WWC1: variants seen among roughly 807,000 people sequenced by gnomAD.
The protein encoded by WWC1 is WW and C2 domain containing 1.
WWC1 carries 55 observed loss-of-function variants against 138.4 expected under a neutral mutation model. The observed-to-expected ratio is 0.40, with a 90% CI of 0.32 to 0.50. The LOEUF (loss-of-function observed/expected upper bound fraction) is 0.50, where lower values mean the gene tolerates loss of function less well. Ranked by LOEUF, WWC1 falls within the 20% of genes least tolerant of loss-of-function variation. The pLI, the probability that WWC1 is intolerant of heterozygous loss-of-function variation, is 0.72. For missense variants in WWC1, 1,226 were observed against 1,420.4 expected, an observed-to-expected ratio of 0.86 and a Z score of 2.20; for synonymous variants, 524 against 564.9, an observed-to-expected ratio of 0.93 and a Z score of 1.03.
In WWC1 at chr5:168,414,467, T is replaced by G. The variant is rs751379051; in HGVS notation, c.1061T>G (p.Met354Arg). 6.4e-7 allele frequency: 1 copy of G among 1,570,496 alleles called. No individual in the cohort carries two copies. Among genetic ancestry groups the G allele is most frequent in the Non-Finnish European group, 8.6e-7 (1 of 1,157,014 alleles). ...GAGAAGGAGGAGCTGCTGAAGGAGA[T>G]GCGCTTCATCAGCCCCCGCAAGTGG... The part of the protein sequence containing the change: ...INEKEELLKE[M>R]RFISPRKWTQ... The change falls in exon 9 of 23, where the codon ATG (methionine) becomes AGG (arginine). Residue 354 changes from methionine (M) to arginine (R), a missense_variant. Physicochemically the swap from Met to Arg is moderately conservative, Grantham distance 91. Transcript: ENST00000265293.
intron 5 of WWC1, among the ~76,000 whole-genome samples, chr5:168,405,462 A>C (rs1431007025): frequency 1.3e-5 from 2 of 152,190 alleles, no homozygotes; most frequent in Non-Finnish European, 2.9e-5. Flanking sequence ...CCTGTTCCCA[A>C]GCCTCCCAGA....
At chr5:168,372,044 A>ATGTTT (rs1776793945) in intron 2 of WWC1, among the ~76,000 whole-genome samples, 1 of 116,288 alleles carries the variant, frequency 8.6e-6, no homozygotes. Flanking sequence ...AGAGAGAGAA[A>ATGTTT]GAGTGTGTTT....
chr5:168,310,772 A>T (rs1166900490), intron 1 of WWC1, among the ~76,000 whole-genome samples: 1 of 150,512 alleles, frequency 6.6e-6, no homozygotes, highest in Non-Finnish European at 1.5e-5. Context: ...CAGGGGGTCG[A>T]GGTTGCCGTG....
intron 15 of WWC1, among the ~76,000 whole-genome samples, chr5:168,436,630 C>T (rs938765571): frequency 6.6e-6 from 1 of 152,172 alleles, no homozygotes; most frequent in Non-Finnish European, 1.5e-5. Context: ...CATCCTGTGT[C>T]TCCGCTGTCT....
At chr5:168,359,927 A>G (rs1582031711) in intron 1 of WWC1, among the ~76,000 whole-genome samples, 1 of 152,196 alleles carries the variant, frequency 6.6e-6, no homozygotes, top group Admixed American at 6.5e-5. Context: ...AAGCTTGGCA[A>G]TTCTGTAGAG....
chr5:168,452,581 T>G (rs1357348536), intron 17 of WWC1, among the ~76,000 whole-genome samples: 2 of 152,234 alleles, frequency 1.3e-5, no homozygotes, highest in Non-Finnish European at 1.5e-5. Flanking sequence ...GAAATCAGTT[T>G]CTGTTGTTTA....
At chr5:168,412,964 A>C (rs1175612658) in intron 8 of WWC1, among the ~76,000 whole-genome samples, 1 of 152,208 alleles carries the variant, frequency 6.6e-6, no homozygotes, top group Non-Finnish European at 1.5e-5. Context: ...TCAAGTGTAT[A>C]AGAATTCCTC....
chr5:168,377,298 T>C (rs928634746), intron 2 of WWC1, among the ~76,000 whole-genome samples: 4 of 152,184 alleles, frequency 2.6e-5, no homozygotes, highest in Non-Finnish European at 5.9e-5. Flanking sequence ...ATTAAAGATT[T>C]AAATGTAAGA....
chr5:168,449,405 T>C (rs1471284399), intron 17 of WWC1, among the ~76,000 whole-genome samples: 1 of 152,140 alleles, frequency 6.6e-6, no homozygotes, highest in Non-Finnish European at 1.5e-5. Flanking sequence ...CCTCTGCCGC[T>C]CACTTTTTGA....
In WWC1 at chr5:168,392,964, ATTG is replaced by A. The variant is rs201271496; in HGVS notation, c.434-4757_434-4755del. ...TCAGGAAACAAGAACACGGTACTACATTGTTTAAAAAGGAACCTTCAGAGAATA... is the reference window on the plus strand; with the variant it reads ...TCAGGAAACAAGAACACGGTACTACATTTAAAAAGGAACCTTCAGAGAATA... On this transcript the variant is annotated intron_variant, in intron 3 of 22. Transcript: ENST00000265293. 8.6e-3 allele frequency among the ~76,000 whole-genome samples: 1,309 copies of A among 152,280 alleles called. 6 individuals carry two copies. Among genetic ancestry groups the A allele is most frequent in the Middle Eastern group, 0.024 (7 of 294 alleles).
intron 15 of WWC1, among the ~76,000 whole-genome samples, chr5:168,432,322 C>T (rs192197734): frequency 7.7e-4 from 118 of 152,286 alleles, no homozygotes; most frequent in Non-Finnish European, 1.4e-3. Flanking sequence ...CCAGCCTCCT[C>T]CCTGAAACTG....
rs1757686983 is a variant in WWC1 at position 168,472,006 on chromosome 5, T to G, written c.*2989T>G. On this transcript the variant is annotated 3_prime_UTR_variant, in exon 23 of 23. Transcript: ENST00000265293. Reference sequence around the variant, plus strand: ...CTGTGCTCAGTTGTCCCAGCAAGGGTCAGCCCCTCATACCCCTGCAGCATC... The same window carrying G: ...CTGTGCTCAGTTGTCCCAGCAAGGGGCAGCCCCTCATACCCCTGCAGCATC... 1 of 152,234 alleles carries G rather than the reference T, an allele frequency of 6.6e-6. No individual in the cohort carries two copies. 9.4% of individuals were successfully genotyped at this position (152,234 alleles called of 1,614,324 possible).
intron 17 of WWC1, 140 bp from the exon 18 acceptor site, chr5:168,453,828 G>A: frequency 6.9e-7 from 1 of 1,456,002 alleles, no homozygotes; most frequent in Non-Finnish European, 9.1e-7. Context: ...TTACAGGTGT[G>A]AGCCTGGCCC....
Position 168,368,269 on chromosome 5 carries a change from T to C in WWC1, c.120-3155T>C, listed in dbSNP as rs147205611. On this transcript the variant is annotated intron_variant, in intron 1 of 22. Transcript: ENST00000265293. ...CCACACCTGGCCAGAACACTTCATC[T>C]TTTTTGGTTGTTCCTACATATTCAT... 5.8e-3 allele frequency among the ~76,000 whole-genome samples: 882 copies of C among 152,210 alleles called. 13 individuals are homozygous for C. Among genetic ancestry groups the C allele is most frequent in the African/African-American group, 0.02 (835 of 41,544 alleles).
chr5:168,404,991 T>C (rs1227317752), intron 5 of WWC1, among the ~76,000 whole-genome samples: 2 of 152,064 alleles, frequency 1.3e-5, no homozygotes, highest in African/African-American at 2.4e-5. Context: ...TAATCCCTTA[T>C]GTTTGTACAG....
At chr5:168,459,218 C>A (rs1409108986) in intron 19 of WWC1, among the ~76,000 whole-genome samples, 1 of 144,236 alleles carries the variant, frequency 6.9e-6, no homozygotes, top group Non-Finnish European at 1.5e-5. Flanking sequence ...AGCACCATTG[C>A]ACTCCAGCCT....
intron 8 of WWC1, among the ~76,000 whole-genome samples, chr5:168,411,412 CTG>C (rs1554106535): frequency 5.9e-5 from 9 of 152,186 alleles, no homozygotes; most frequent in Non-Finnish European, 1.3e-4. Flanking sequence ...TCTGCCAACT[CTG>C]TGTGAATAGT....
At chr5:168,310,060 G>A (rs1432074342) in intron 1 of WWC1, among the ~76,000 whole-genome samples, 1 of 152,150 alleles carries the variant, frequency 6.6e-6, no homozygotes, top group African/African-American at 2.4e-5. Flanking sequence ...GGTGCTGGGG[G>A]ACACACTGCT....
chr5:168,311,607 AC>A (rs5873104), intron 1 of WWC1, among the ~76,000 whole-genome samples: 53,015 of 151,988 alleles, frequency 0.35, 9,622 homozygotes, highest in Admixed American at 0.41. Flanking sequence ...ACAGTGGCTC[AC>A]GTCTGTAATC....
Sources: gnomAD v4.1 joint callset for allele counts (sites outside exome capture counted in the v4.1 genomes callset) on GRCh38, gnomAD v4.1.1 for gene constraint, MANE v1.5 for transcripts, NCBI Gene and HGNC (gene_info 2026-07-23, HGNC 2026-07-21) for gene names.